The following COQ8B variants were observed in gnomAD, a reference collection of about 807,000 sequenced individuals.
The protein encoded by COQ8B is coenzyme Q8B, also known as atypical kinase COQ8B, mitochondrial.
COQ8B carries 44 observed loss-of-function variants against 62.0 expected under a neutral mutation model. The ratio of observed to expected loss-of-function variants is 0.71; its 90% CI spans 0.56 to 0.91. COQ8B has a LOEUF of 0.91. COQ8B is among the 40% of genes least tolerant of loss of function. The probability of loss-of-function intolerance (pLI) is 0.00; values close to 1 mark genes in which losing one functional copy is unlikely to be tolerated. For missense variants in COQ8B, 649 were observed against 731.6 expected (o/e 0.89, Z 1.30); for synonymous variants, 252 against 289.9 (o/e 0.87, Z 1.33).
intron 1 of COQ8B, chr19:40,715,760 C>T: frequency 3.3e-6 from 1 of 302,476 alleles, no homozygotes; most frequent in Non-Finnish European, 4.9e-6. Context: ...TGACATTTCC[C>T]AGAACACACT....
chr19:40,713,642 G>A (rs1295151120), intron 4 of COQ8B, among the ~76,000 whole-genome samples: 1 of 151,700 alleles, frequency 6.6e-6, no homozygotes, highest in Non-Finnish European at 1.5e-5. Context: ...CTTGAATGTA[G>A]GAGGCAGAGG....
chr19:40,704,116 G>T, intron 7 of COQ8B: 1 of 414,012 alleles, frequency 2.4e-6, no homozygotes, highest in South Asian at 4.4e-5. Flanking sequence ...TGTGGGGATT[G>T]CTATTATTTA....
At position 40,705,102 on chromosome 19, in the gene COQ8B, C is replaced by T. The variant is rs750292169; in HGVS notation, c.570G>A (p.Gln190=). 1.6e-5 allele frequency: 25 copies of T among 1,608,198 alleles called. No individual in the cohort carries two copies. Among genetic ancestry groups the T allele is most frequent in the Non-Finnish European group, 2.1e-5 (25 of 1,177,502 alleles). ...RQSADFMPRW[Q]MLRVLEEELG... ...TCCCCCACTGGGCACTCACCAGCAT[C>T]TGCCAGCGGGGCATGAAGTCGGCGC... Residue 190 remains glutamine, a synonymous_variant, in exon 7 of 15, where the codon CAG becomes CAA. Transcript: ENST00000324464.
At chr19:40,715,212 AG>A in intron 1 of COQ8B, 2 of 984,016 alleles carry the variant, frequency 2.0e-6, no homozygotes, top group South Asian at 9.3e-5. Context: ...AAGGGGCCAG[AG>A]AGAGGCCCTA....
In COQ8B at chr19:40,700,324, C is replaced by A; in HGVS notation, c.1021G>T (p.Asp341Tyr). 6.2e-7 allele frequency: 1 copy of A among 1,613,896 alleles called. No homozygotes were observed. The highest frequency in any genetic ancestry group is 8.5e-7 in the Non-Finnish European group (1 of 1,179,832). The stretch of plus-strand genomic sequence containing the variant: ...AGACAGCATACCTGGTTCCGCAGGT[C>A]CTGGCTTAGGCCCTGGCACTGGTCC... ...PLDQCQGLSQ[D>Y]LRNQICFQLL... Residue 341 changes from aspartate to tyrosine, a missense_variant, in exon 11 of 15, where the codon GAC (aspartate) becomes TAC (tyrosine). By Grantham distance (160) the Asp-to-Tyr change is radical. Transcript: ENST00000324464.
intron 13 of COQ8B, among the ~76,000 whole-genome samples, chr19:40,695,233 G>A (rs1335803417): frequency 6.6e-6 from 1 of 151,448 alleles, no homozygotes; most frequent in African/African-American, 2.4e-5. Context: ...CAGGAGAATC[G>A]CTTGAACCCA....
intron 4 of COQ8B, among the ~76,000 whole-genome samples, chr19:40,712,718 T>G (rs972268366): frequency 6.6e-6 from 1 of 152,218 alleles, no homozygotes; most frequent in Non-Finnish European, 1.5e-5. Flanking sequence ...GCATGCATAT[T>G]TTCTGTCCTA....
intron 7 of COQ8B, chr19:40,704,870 G>A (rs917912185): frequency 7.9e-6 from 4 of 504,736 alleles, no homozygotes; most frequent in East Asian, 3.3e-5. Flanking sequence ...TGTCACTATC[G>A]CCATTTCCCA....
rs1205857043 is a variant in COQ8B at position 40,705,122 on chromosome 19, C to T, written c.550G>A (p.Asp184Asn). The change falls in exon 7 of 15, where the codon GAC becomes AAC. Residue 184 changes from aspartate (D) to asparagine (N), a missense_variant. By Grantham distance (23) the Asp-to-Asn change is conservative (BLOSUM62 1). Coordinates refer to ENST00000324464, the MANE Select transcript of COQ8B (RefSeq NM_024876.4). ...AGCATCTGCCAGCGGGGCATGAAGT[C>T]GGCGCTCTGGCGGACCCGCTCAAAG... ...HIFERVRQSADFMPRWQMLRV... is the reference protein window; with the variant it reads ...HIFERVRQSANFMPRWQMLRV... 23 of 1,611,524 alleles carry T rather than the reference C, an allele frequency of 1.4e-5. No individual in the cohort carries two copies. In the East Asian group the frequency reaches 2.7e-4, roughly 19 times the overall value.
rs2081986403 is a variant in COQ8B at position 40,693,036 on chromosome 19, A to G, written c.1211T>C (p.Val404Ala). The G allele has an allele frequency of 1.9e-6, 3 of 1,613,040 alleles. No homozygotes were observed. The highest frequency in any genetic ancestry group is 4.5e-5 in the East Asian group (2 of 44,844). The change falls in exon 14 of 15, where the codon GTG (valine) becomes GCG (alanine). Residue 404 changes from valine (V) to alanine (A), a missense_variant and splice_region_variant. Val to Ala is a moderately conservative substitution (Grantham distance 64). Transcript: ENST00000324464. Reference sequence around the variant, plus strand: ...GTCTCCATCAGCTGCAGCCTTCACCACCTGGGGAGACGGGTGGGAGTTAGA... The same window carrying G: ...GTCTCCATCAGCTGCAGCCTTCACCGCCTGGGGAGACGGGTGGGAGTTAGA... ...GTEFTDHYIEVVKAAADGDRD... is the reference protein window; with the variant it reads ...GTEFTDHYIEAVKAAADGDRD...
intron 12 of COQ8B, among the ~76,000 whole-genome samples, chr19:40,698,493 G>A (rs1460789592): frequency 1.3e-5 from 2 of 149,580 alleles, no homozygotes; most frequent in East Asian, 2.0e-4. Flanking sequence ...AGCTGAGATC[G>A]TGCCATTGCA....
In COQ8B at chr19:40,692,159, G is replaced by A. The variant is rs1478127154; in HGVS notation, c.1511C>T (p.Ala504Val). The stretch of plus-strand genomic sequence containing the variant: ...GAAGAGGTCCCTGCAGGCGATGTGG[G>A]CTCGGAGGTGGGCACAGGCCAGGAA... Reference protein sequence around the residue: ...GAFLACAHLRAHIACRDLFQD... With the variant: ...GAFLACAHLRVHIACRDLFQD... Residue 504 changes from alanine (A) to valine (V), a missense_variant, in exon 15 of 15, where the codon GCC (alanine) becomes GTC (valine). By Grantham distance (64) the Ala-to-Val change is moderately conservative. Coordinates refer to ENST00000324464, the MANE Select transcript of COQ8B (RefSeq NM_024876.4). The A allele has an allele frequency of 1.3e-6, 2 of 1,598,666 alleles. No individual in the cohort carries two copies. Among genetic ancestry groups the A allele is most frequent in the Non-Finnish European group, 1.7e-6 (2 of 1,172,564 alleles).
In COQ8B at chr19:40,692,298, C is replaced by A; in HGVS notation, c.1372G>T (p.Gly458Trp). 1 of 1,613,760 alleles carries A rather than the reference C, an allele frequency of 6.2e-7. No homozygotes were observed. The change falls in exon 15 of 15, where the codon GGG becomes TGG. Residue 458 changes from glycine (G) to tryptophan (W), a missense_variant. Gly to Trp is a radical substitution (Grantham distance 184). Coordinates refer to ENST00000324464, the MANE Select transcript of COQ8B (RefSeq NM_024876.4). ...ATGCGGCGGGCCGTTTCCCCCGACC[C>A]AAAGTCATAAGGGCCCTGGGTGGCG... is the stretch of plus-strand genomic sequence containing the variant. Reference protein sequence around the residue: ...PFATQGPYDFGSGETARRIQD... With the variant: ...PFATQGPYDFWSGETARRIQD...
chr19:40,714,464 T>C, intron 2 of COQ8B, 67 bp from the exon 3 acceptor site: 1 of 1,613,436 alleles, frequency 6.2e-7, no homozygotes, highest in South Asian at 1.1e-5. Context: ...GGACCCCTCC[T>C]GTCCTTTTAC....
chr19:40,714,110 G>T lies in COQ8B; in HGVS notation c.246C>A (p.Arg82=). 2 of 1,614,190 alleles carry T rather than the reference G, an allele frequency of 1.2e-6. No individual in the cohort carries two copies. The highest frequency in any genetic ancestry group is 1.7e-6 in the Non-Finnish European group (2 of 1,180,034). ...RPQLSDRSRE[R]KVPASRISRL... is the part of the protein sequence containing the mutation. The stretch of plus-strand genomic sequence containing the variant: ...GGCTGATGCGGGAGGCAGGCACCTT[G>T]CGTTCTCGAGAGCGGTCACTCAGCT... Residue 82 remains arginine, a synonymous_variant, in exon 4 of 15, where the codon CGC becomes CGA. Transcript: ENST00000324464.
At chr19:40,711,496 T>A (rs1181760266) in intron 4 of COQ8B, among the ~76,000 whole-genome samples, 1 of 152,196 alleles carries the variant, frequency 6.6e-6, no homozygotes, top group Non-Finnish European at 1.5e-5. Context: ...AGTGCTGGGA[T>A]TACAGGTGTG....
intron 13 of COQ8B, 125 bp downstream of exon 13, chr19:40,695,864 C>T (rs762281566): frequency 3.9e-5 from 39 of 991,000 alleles, no homozygotes; most frequent in South Asian, 5.5e-5. Flanking sequence ...CTAGTTGCTA[C>T]GAGTATTACT....
chr19:40,697,851 T>TAGAGAGAGAG lies in COQ8B; in HGVS notation c.1144-1807_1144-1798dup, dbSNP rs1290386996. On this transcript the variant is annotated intron_variant, in intron 12 of 14. Coordinates refer to ENST00000324464, the MANE Select transcript of COQ8B (RefSeq NM_024876.4). ...ATATATATATATATATATATATATA[T>TAGAGAGAGAG]AGAGAGAGAGAGAGAGAGAGAGAGA... 6.6e-4 allele frequency among the ~76,000 whole-genome samples: 36 copies of TAGAGAGAGAG among 54,720 alleles called. 1 individual carries two copies. The highest frequency in any genetic ancestry group is 1.6e-3 in the African/African-American group (16 of 10,222). 35.9% of individuals were successfully genotyped at this position (54,720 alleles called of 152,430 possible).
rs1434275765 is a variant in COQ8B at position 40,703,982 on chromosome 19, C to T, written c.577-127G>A. The T allele has an allele frequency of 4.8e-6, 6 of 1,248,658 alleles. No individual in the cohort carries two copies. In the African/African-American group the frequency reaches 7.6e-5, roughly 16 times the overall value. The allele number at this position is 1,248,658 out of a possible 1,614,324, so 77.3% of individuals were successfully genotyped here. A position where few individuals can be genotyped will look rare whatever the true frequency, so the allele number is the denominator to read the frequency against. Reference sequence around the variant, plus strand: ...CTGGGCTAAGCTCTTGGCTGCCACCCCCTTTGCAGATGAGGAAACTGAGGC... The same window carrying T: ...CTGGGCTAAGCTCTTGGCTGCCACCTCCTTTGCAGATGAGGAAACTGAGGC... On this transcript the variant is annotated intron_variant, in intron 7 of 14. Coordinates refer to ENST00000324464, the MANE Select transcript of COQ8B (RefSeq NM_024876.4).
Sources: gnomAD v4.1 joint callset for allele counts (sites outside exome capture counted in the v4.1 genomes callset) on GRCh38, gnomAD v4.1.1 for gene constraint, MANE v1.5 for transcripts, NCBI Gene and HGNC (gene_info 2026-07-23, HGNC 2026-07-21) for gene names.